The following PCDH9 variants were observed in gnomAD, a reference collection of about 807,000 sequenced individuals.
PCDH9 encodes the protein protocadherin 9.
In PCDH9, 24 loss-of-function variants were observed where a neutral mutation model predicts 70.6. That is an observed-to-expected ratio of 0.34 (90% CI 0.25 to 0.48). PCDH9 has a LOEUF of 0.48. Among genes scored for constraint, PCDH9 ranks in the 20% least tolerant of loss-of-function variants. The pLI, the probability that PCDH9 is intolerant of heterozygous loss-of-function variation, is 0.99. For missense variants in PCDH9, 1,281 were observed against 1,503.6 expected (o/e 0.85, Z 2.45); for synonymous variants, 562 against 558.5 (o/e 1.01, Z -0.09).
rs565517938 is a variant in PCDH9, at chr13:66,897,424, T to C, written c.3138+6080A>G. Among the ~76,000 whole-genome samples, 11 of 152,272 alleles carry C rather than the reference T, an allele frequency of 7.2e-5. No individual in the cohort carries two copies. In the South Asian group the frequency reaches 1.7e-3, roughly 23 times the overall value. On this transcript the variant is annotated intron_variant, in intron 3 of 4. Transcript: ENST00000377865. ...AGAGGAAGGGATGTCTAGTACCCTATCCATGTTTACTTGACTTAAGGAACA... is the reference window on the plus strand; with the variant it reads ...AGAGGAAGGGATGTCTAGTACCCTACCCATGTTTACTTGACTTAAGGAACA...
At chr13:66,415,415 G>A (rs1957444836) in intron 4 of PCDH9, among the ~76,000 whole-genome samples, 2 of 152,102 alleles carry the variant, frequency 1.3e-5, no homozygotes, top group South Asian at 2.1e-4. Flanking sequence ...CCACACTTGT[G>A]TCTATATCAT....
intron 4 of PCDH9, among the ~76,000 whole-genome samples, chr13:66,606,085 G>C (rs1319454572): frequency 6.6e-6 from 1 of 151,992 alleles, no homozygotes; most frequent in African/African-American, 2.4e-5. Context: ...TGGTCCTTAG[G>C]ATTAAAGTTT....
At chr13:67,040,951 C>T (rs944559689) in intron 2 of PCDH9, among the ~76,000 whole-genome samples, 2 of 151,718 alleles carry the variant, frequency 1.3e-5, no homozygotes, top group African/African-American at 4.8e-5. Context: ...AGGAAGAAAA[C>T]CAAAAATATT....
chr13:66,824,485 G>T (rs1035393048), intron 3 of PCDH9, among the ~76,000 whole-genome samples: 4 of 148,628 alleles, frequency 2.7e-5, no homozygotes, highest in African/African-American at 7.4e-5. Context: ...GTGAAACCCC[G>T]TCTCTACTAA....
rs4884674 is a variant in PCDH9, at chr13:66,495,834, T to A, written c.3340+135376A>T. On this transcript the variant is annotated intron_variant, in intron 4 of 4. Coordinates refer to ENST00000377865, the MANE Select transcript of PCDH9 (RefSeq NM_203487.3). ...GTAATCATGGCCACAGACACTACAA[T>A]CCCATTGTTTGTGCCCAAATCGTGA... 1.2e-4 allele frequency among the ~76,000 whole-genome samples: 18 copies of A among 152,120 alleles called. 1 individual carries two copies. Among genetic ancestry groups the A allele is most frequent in the Admixed American group, 1.1e-3 (17 of 15,274 alleles).
chr13:66,479,399 C>G (rs1362706745), intron 4 of PCDH9, among the ~76,000 whole-genome samples: 2 of 152,202 alleles, frequency 1.3e-5, no homozygotes, highest in Admixed American at 1.3e-4. Flanking sequence ...TTTCATAAGT[C>G]TAGATCTGCC....
intron 3 of PCDH9, among the ~76,000 whole-genome samples, chr13:66,736,819 A>T (rs1171591838): frequency 6.6e-6 from 1 of 152,192 alleles, no homozygotes; most frequent in Non-Finnish European, 1.5e-5. Flanking sequence ...CACCTATCTG[A>T]ATCCAATCTG....
At chr13:66,405,416 T>A (rs139747421) in intron 4 of PCDH9, among the ~76,000 whole-genome samples, 1 of 152,334 alleles carries the variant, frequency 6.6e-6, no homozygotes, top group East Asian at 1.9e-4. Flanking sequence ...CAAACCATTT[T>A]TCATAGCACA....
chr13:66,700,885 A>C (rs2078629202), intron 3 of PCDH9, among the ~76,000 whole-genome samples: 1 of 139,166 alleles, frequency 7.2e-6, no homozygotes, highest in Non-Finnish European at 1.5e-5. Context: ...CTGAATGTCT[A>C]TGTTATATAT....
chr13:66,837,266 T>C (rs2081037538), intron 3 of PCDH9, among the ~76,000 whole-genome samples: 1 of 152,204 alleles, frequency 6.6e-6, no homozygotes, highest in Non-Finnish European at 1.5e-5. Context: ...ACTTAATAAA[T>C]ACAGAGCATT....
intron 2 of PCDH9, among the ~76,000 whole-genome samples, chr13:67,170,396 TA>T (rs1166261739): frequency 6.6e-6 from 1 of 152,066 alleles, no homozygotes; most frequent in Non-Finnish European, 1.5e-5. Flanking sequence ...TGTTACAAGT[TA>T]CTTAAAAATT....
At chr13:66,934,825 A>C (rs1207572594) in intron 2 of PCDH9, among the ~76,000 whole-genome samples, 2 of 125,234 alleles carry the variant, frequency 1.6e-5, no homozygotes. Context: ...GGTTCACGCC[A>C]TTCTCCTGCC....
intron 4 of PCDH9, among the ~76,000 whole-genome samples, chr13:66,373,538 G>C (rs1488542339): frequency 1.3e-5 from 2 of 151,454 alleles, no homozygotes; most frequent in African/African-American, 4.8e-5. Context: ...AAAAAGAAAA[G>C]GAAAGAAAAA....
At chr13:66,541,015 T>G (rs1960931488) in intron 4 of PCDH9, among the ~76,000 whole-genome samples, 1 of 152,174 alleles carries the variant, frequency 6.6e-6, no homozygotes, top group Non-Finnish European at 1.5e-5. Flanking sequence ...GAAAGCAGAC[T>G]GGATTGGGTT....
At position 66,692,773 on chromosome 13, in the gene PCDH9, C is replaced by T. The variant is rs576643604; in HGVS notation, c.3139-61362G>A. On this transcript the variant is annotated intron_variant, in intron 3 of 4. Transcript: ENST00000377865. ...CAATCATGGTACTATTATTTAGAGA[C>T]GAACTAGAAAAACAACTATATACAA... Among the ~76,000 whole-genome samples the T allele has an allele frequency of 6.5e-4, 99 of 151,802 alleles. No individual in the cohort carries two copies. In the South Asian group the frequency reaches 7.7e-3, roughly 12 times the overall value.
intron 3 of PCDH9, among the ~76,000 whole-genome samples, chr13:66,795,540 T>C (rs1351371795): frequency 6.6e-6 from 1 of 152,158 alleles, no homozygotes; most frequent in Non-Finnish European, 1.5e-5. Context: ...TAATTTACTT[T>C]CTCTCTTTAT....
At chr13:66,558,606 CTG>C (rs1489083906) in intron 4 of PCDH9, among the ~76,000 whole-genome samples, 2 of 151,950 alleles carry the variant, frequency 1.3e-5, no homozygotes, top group Admixed American at 6.6e-5. Flanking sequence ...TCCTTCCTCT[CTG>C]AAACTTTCAG....
chr13:67,145,982 A>G (rs891946583), intron 2 of PCDH9, among the ~76,000 whole-genome samples: 2 of 152,122 alleles, frequency 1.3e-5, no homozygotes, highest in African/African-American at 4.8e-5. Context: ...TCCTTTTCTC[A>G]ACTTGCAAGG....
intron 2 of PCDH9, among the ~76,000 whole-genome samples, chr13:67,004,267 T>G (rs2084303007): frequency 6.6e-6 from 1 of 151,952 alleles, no homozygotes; most frequent in Non-Finnish European, 1.5e-5. Context: ...CTTCTTAAAG[T>G]TTTTTAAAAA....
Sources: gnomAD v4.1 joint callset for allele counts (sites outside exome capture counted in the v4.1 genomes callset) on GRCh38, gnomAD v4.1.1 for gene constraint, MANE v1.5 for transcripts, NCBI Gene and HGNC (gene_info 2026-07-23, HGNC 2026-07-21) for gene names.